GNG4: variants seen among roughly 807,000 people sequenced by gnomAD.
The protein encoded by GNG4 is guanine nucleotide-binding protein G(I)/G(S)/G(O) subunit gamma-4.
A neutral mutation model predicts 5.8 loss-of-function variants in GNG4; 4 were observed. The observed-to-expected ratio is 0.69, with a 90% confidence interval of 0.34 to 1.57. GNG4 has a LOEUF of 1.57. Ranked by LOEUF, GNG4 falls within the 40% of genes most tolerant of loss-of-function variation. The pLI is 0.06. For missense variants in GNG4, 96 were observed against 95.1 expected (o/e 1.01, Z -0.04); for synonymous variants, 29 against 32.9 (o/e 0.88, Z 0.41).
intron 1 of GNG4, among the ~76,000 whole-genome samples, chr1:235,640,825 C>T (rs1028214541): frequency 7.2e-5 from 11 of 152,216 alleles, no homozygotes; most frequent in Non-Finnish European, 1.3e-4. Flanking sequence ...TGCCGCTTGG[C>T]GCCTGGCAGG....
intron 3 of GNG4, among the ~76,000 whole-genome samples, chr1:235,554,721 T>C (rs1351475881): frequency 1.3e-5 from 2 of 152,024 alleles, no homozygotes; most frequent in African/African-American, 2.4e-5. Flanking sequence ...GGCGGGTGCC[T>C]GTAATCCCAG....
chr1:235,554,643 A>T (rs978010976), intron 3 of GNG4, among the ~76,000 whole-genome samples: 2 of 152,158 alleles, frequency 1.3e-5, no homozygotes, highest in Non-Finnish European at 2.9e-5. Context: ...CAGGAGTTCA[A>T]GACCAGCCTG....
At chr1:235,552,971 C>G (rs564431285) in intron 3 of GNG4, among the ~76,000 whole-genome samples, 1 of 152,252 alleles carries the variant, frequency 6.6e-6, no homozygotes, top group South Asian at 2.1e-4. Context: ...GTTGGCCAGG[C>G]TGGTCTCAAA....
chr1:235,557,525 C>T (rs1272462536), intron 3 of GNG4, among the ~76,000 whole-genome samples: 4 of 152,086 alleles, frequency 2.6e-5, no homozygotes, highest in Non-Finnish European at 4.4e-5. Flanking sequence ...AGGCTGTGAC[C>T]CGCCAATCCC....
At chr1:235,624,862 C>T (rs1043907983) in intron 1 of GNG4, among the ~76,000 whole-genome samples, 6 of 152,180 alleles carry the variant, frequency 3.9e-5, no homozygotes, top group African/African-American at 1.4e-4. Flanking sequence ...CAAACAGGCT[C>T]CTGAACACTG....
intron 1 of GNG4, among the ~76,000 whole-genome samples, chr1:235,607,402 A>C (rs935110414): frequency 1.3e-5 from 2 of 152,342 alleles, no homozygotes; most frequent in South Asian, 2.1e-4. Flanking sequence ...GTCACCACCA[A>C]CATCAGATTA....
At chr1:235,559,739 C>T (rs1204114959) in intron 3 of GNG4, among the ~76,000 whole-genome samples, 1 of 152,240 alleles carries the variant, frequency 6.6e-6, no homozygotes, top group Non-Finnish European at 1.5e-5. Flanking sequence ...CAGAGTCCGT[C>T]TCTGAACCCT....
intron 1 of GNG4, among the ~76,000 whole-genome samples, chr1:235,599,903 T>A (rs1213679021): frequency 1.3e-5 from 2 of 152,264 alleles, no homozygotes; most frequent in Non-Finnish European, 2.9e-5. Context: ...AATTTCTCCT[T>A]GTCCTCCTGG....
intron 1 of GNG4, among the ~76,000 whole-genome samples, chr1:235,614,194 T>A (rs573401151): frequency 6.6e-6 from 1 of 152,202 alleles, no homozygotes; most frequent in Non-Finnish European, 1.5e-5. Context: ...GCTGCTGAAT[T>A]TATGGCCATA....
chr1:235,589,839 G>A (rs1171265132), intron 2 of GNG4, among the ~76,000 whole-genome samples: 1 of 152,192 alleles, frequency 6.6e-6, no homozygotes. Context: ...CTTGAGCTGG[G>A]TGGGTCCTTG....
intron 1 of GNG4, among the ~76,000 whole-genome samples, chr1:235,627,254 G>A (rs941998879): frequency 4.0e-5 from 6 of 151,756 alleles, no homozygotes; most frequent in African/African-American, 1.2e-4. Context: ...ACAGAGTCTC[G>A]CTCTGTCTCC....
chr1:235,585,686 T>C (rs538762455), intron 2 of GNG4, among the ~76,000 whole-genome samples: 7 of 152,324 alleles, frequency 4.6e-5, no homozygotes, highest in East Asian at 1.9e-4. Flanking sequence ...TCAATCCATA[T>C]ATTTACGGGC....
chr1:235,587,866 G>A (rs1182312419), intron 2 of GNG4, among the ~76,000 whole-genome samples: 3 of 151,244 alleles, frequency 2.0e-5, no homozygotes, highest in African/African-American at 7.3e-5. Context: ...TATGGAGTGT[G>A]TGAGAGGGTG....
chr1:235,567,283 A>G (rs923903832), intron 3 of GNG4, among the ~76,000 whole-genome samples: 11 of 152,152 alleles, frequency 7.2e-5, no homozygotes, highest in Admixed American at 3.3e-4. Flanking sequence ...ATATATGTGT[A>G]CATATATACA....
intron 1 of GNG4, among the ~76,000 whole-genome samples, chr1:235,633,523 T>C (rs111357077): frequency 0.053 from 8,086 of 152,320 alleles, 695 homozygotes; most frequent in African/African-American, 0.18. Context: ...GGTCTCATTC[T>C]GTTGCCCACG....
intron 1 of GNG4, among the ~76,000 whole-genome samples, chr1:235,635,780 T>A (rs192162386): frequency 1.3e-5 from 2 of 152,270 alleles, no homozygotes; most frequent in East Asian, 1.9e-4. Flanking sequence ...TTCAGTAACA[T>A]ACTTAAATTC....
At chr1:235,625,160 G>C (rs1044290850) in intron 1 of GNG4, among the ~76,000 whole-genome samples, 9 of 152,166 alleles carry the variant, frequency 5.9e-5, no homozygotes, top group Admixed American at 3.3e-4. Context: ...CCCACACAAA[G>C]CCACAAGAAT....
intron 1 of GNG4, among the ~76,000 whole-genome samples, chr1:235,632,562 G>C (rs746043017): frequency 1.3e-5 from 2 of 152,226 alleles, no homozygotes; most frequent in Non-Finnish European, 2.9e-5. Flanking sequence ...GGAGCCAGGA[G>C]ACTTGCTTTT....
At chr1:235,619,214 TAC>T (rs1408853781) in intron 1 of GNG4, among the ~76,000 whole-genome samples, 34 of 144,138 alleles carry the variant, frequency 2.4e-4, no homozygotes, top group African/African-American at 8.2e-4. Flanking sequence ...TATATATATA[TAC>T]ACACACACAT....
Sources: allele counts gnomAD v4.1 joint callset (sites outside exome capture counted in the v4.1 genomes callset), GRCh38; gene constraint gnomAD v4.1.1; transcripts MANE v1.5; gene names NCBI Gene and HGNC (gene_info 2026-07-23, HGNC 2026-07-21).